The following RFX3 variants were observed in gnomAD, a reference collection of about 807,000 sequenced individuals.
The protein encoded by RFX3 is regulatory factor X3.
RFX3 carries 14 observed loss-of-function variants against 98.6 expected under a neutral mutation model. That is an observed-to-expected ratio of 0.14 (90% CI 0.09 to 0.22). The LOEUF (loss-of-function observed/expected upper bound fraction) is 0.22, where lower values mean the gene tolerates loss of function less well. Among genes scored for constraint, RFX3 ranks in the 10% least tolerant of loss-of-function variants. The pLI is 1.00. For synonymous variants in RFX3, 383 were observed against 328.4 expected, an observed-to-expected ratio of 1.17 and a Z score of -1.80; for missense variants, 639 against 926.9, an observed-to-expected ratio of 0.69 and a Z score of 4.03.
intron 4 of RFX3, among the ~76,000 whole-genome samples, chr9:3,321,388 T>C (rs1487621842): frequency 6.6e-6 from 1 of 152,186 alleles, no homozygotes; most frequent in Admixed American, 6.5e-5. Context: ...CCAATTTAGA[T>C]TCCCATCAAT....
chr9:3,440,204 G>C (rs1284077041), intron 1 of RFX3, among the ~76,000 whole-genome samples: 1 of 152,032 alleles, frequency 6.6e-6, no homozygotes, highest in Non-Finnish European at 1.5e-5. Context: ...ACAAGACAGA[G>C]ATGTCTGCTT....
At chr9:3,510,461 A>G (rs1356467137) in intron 1 of RFX3, among the ~76,000 whole-genome samples, 1 of 152,054 alleles carries the variant, frequency 6.6e-6, no homozygotes, top group African/African-American at 2.4e-5. Flanking sequence ...TATTATTCCC[A>G]CACTGAAAAT....
In RFX3 at chr9:3,511,782, T is replaced by C. The variant is rs1036993653; in HGVS notation, c.-9+13965A>G. On this transcript the variant is annotated intron_variant, in intron 1 of 16. Transcript: ENST00000617270. ...GGCTACTGTCCCTGGACTTTCTCCC[T>C]TTCTTAACAATGGGTCAGGATTCAA... 9.8e-4 allele frequency among the ~76,000 whole-genome samples: 149 copies of C among 152,082 alleles called. 1 individual carries two copies. Among genetic ancestry groups the C allele is most frequent in the Non-Finnish European group, 4.1e-4 (28 of 67,932 alleles).
At chr9:3,450,256 C>G (rs1846456314) in intron 1 of RFX3, among the ~76,000 whole-genome samples, 1 of 152,172 alleles carries the variant, frequency 6.6e-6, no homozygotes, top group South Asian at 2.1e-4. Context: ...GAAAATACCT[C>G]AGATTAAGAA....
chr9:3,455,095 G>A (rs1354384040), intron 1 of RFX3, among the ~76,000 whole-genome samples: 2 of 152,076 alleles, frequency 1.3e-5, no homozygotes, highest in African/African-American at 4.8e-5. Context: ...TCCCCACACC[G>A]TAGCCAGAAA....
chr9:3,501,957 A>C (rs1015730218), intron 1 of RFX3, among the ~76,000 whole-genome samples: 7 of 151,990 alleles, frequency 4.6e-5, no homozygotes, highest in Non-Finnish European at 1.0e-4. Flanking sequence ...AACTTCTATC[A>C]AAAATCACTT....
chr9:3,414,977 CTTATATATACTCATATATATACTT>C (rs1242784585), intron 1 of RFX3, among the ~76,000 whole-genome samples: 1 of 131,184 alleles, frequency 7.6e-6, no homozygotes, highest in African/African-American at 2.9e-5. Flanking sequence ...CATATATACA[CTTATATATACTCATATATATACTT>C]ATATATACTC....
chr9:3,351,388 G>A (rs991965260), intron 2 of RFX3, among the ~76,000 whole-genome samples: 5 of 151,726 alleles, frequency 3.3e-5, no homozygotes, highest in Admixed American at 6.6e-5. Flanking sequence ...ATAAAATCAT[G>A]CCAATATTTA....
At chr9:3,442,202 A>AAAAT (rs1465017401) in intron 1 of RFX3, among the ~76,000 whole-genome samples, 5 of 152,072 alleles carry the variant, frequency 3.3e-5, no homozygotes, top group Admixed American at 6.6e-5. Flanking sequence ...CTCAATCTCA[A>AAAAT]AAATAAATAA....
At chr9:3,468,697 A>G (rs1195226757) in intron 1 of RFX3, among the ~76,000 whole-genome samples, 1 of 152,164 alleles carries the variant, frequency 6.6e-6, no homozygotes, top group Non-Finnish European at 1.5e-5. Flanking sequence ...CTTTGTTAAG[A>G]AAGAAAAAGC....
intron 1 of RFX3, among the ~76,000 whole-genome samples, chr9:3,421,517 ATTTTT>A (rs1486519899): frequency 6.6e-6 from 1 of 152,206 alleles, no homozygotes; most frequent in Admixed American, 6.5e-5. Context: ...AGGTGCGTGC[ATTTTT>A]AAAGCAAATA....
chr9:3,259,847 C>T (rs926822935), intron 13 of RFX3, among the ~76,000 whole-genome samples: 4 of 152,014 alleles, frequency 2.6e-5, no homozygotes, highest in African/African-American at 9.7e-5. Context: ...CTTTCAAGCT[C>T]TTAAGTGTAT....
At chr9:3,331,928 G>C (rs1832648688) in intron 3 of RFX3, among the ~76,000 whole-genome samples, 1 of 152,030 alleles carries the variant, frequency 6.6e-6, no homozygotes, top group African/African-American at 2.4e-5. Context: ...CATGAAATAT[G>C]GGAGGCTGTG....
chr9:3,411,150 G>A (rs908711379), intron 1 of RFX3, among the ~76,000 whole-genome samples: 4 of 151,992 alleles, frequency 2.6e-5, no homozygotes, highest in East Asian at 1.9e-4. Flanking sequence ...TTATAAGGAC[G>A]GTGTTTTCTA....
intron 7 of RFX3, among the ~76,000 whole-genome samples, chr9:3,281,304 A>T (rs957859236): frequency 2.0e-5 from 3 of 151,542 alleles, no homozygotes; most frequent in African/African-American, 7.3e-5. Flanking sequence ...AACTTTATCA[A>T]ATCTACCATA....
chr9:3,349,979 A>AC (rs1834909129), intron 2 of RFX3, among the ~76,000 whole-genome samples: 4 of 152,138 alleles, frequency 2.6e-5, no homozygotes, highest in Admixed American at 2.6e-4. Context: ...AAAACCGAAG[A>AC]CAAATGAGCA....
intron 1 of RFX3, among the ~76,000 whole-genome samples, chr9:3,460,988 G>A (rs2133055174): frequency 6.6e-6 from 1 of 151,556 alleles, no homozygotes; most frequent in African/African-American, 2.4e-5. Flanking sequence ...AAGATGACAG[G>A]TTATCACAAT....
At chr9:3,397,656 T>C (rs1352482420) in intron 1 of RFX3, among the ~76,000 whole-genome samples, 1 of 152,168 alleles carries the variant, frequency 6.6e-6, no homozygotes, top group African/African-American at 2.4e-5. Flanking sequence ...ACTCTGTGCT[T>C]AATTTTCTTT....
chr9:3,383,503 T>C (rs1839407236), intron 2 of RFX3, among the ~76,000 whole-genome samples: 1 of 151,882 alleles, frequency 6.6e-6, no homozygotes, highest in Non-Finnish European at 1.5e-5. Flanking sequence ...AAGTAGAGCT[T>C]AAGAGCTCAT....
Sources: gnomAD v4.1 joint callset for allele counts (sites outside exome capture counted in the v4.1 genomes callset) on GRCh38, gnomAD v4.1.1 for gene constraint, MANE v1.5 for transcripts, NCBI Gene and HGNC (gene_info 2026-07-23, HGNC 2026-07-21) for gene names.